ATP5PO: variants seen among roughly 807,000 people sequenced by gnomAD.
ATP5PO encodes the protein ATP synthase peripheral stalk subunit OSCP, mitochondrial.
ATP5PO carries 14 observed loss-of-function variants against 26.2 expected under a neutral mutation model. The ratio of observed to expected loss-of-function variants is 0.53; its 90% CI spans 0.35 to 0.83. The LOEUF (loss-of-function observed/expected upper bound fraction) is 0.83, where lower values mean the gene tolerates loss of function less well. Among genes scored for constraint, ATP5PO ranks in the 40% least tolerant of loss-of-function variants. The probability of loss-of-function intolerance (pLI) is 0.01; values close to 1 mark genes in which losing one functional copy is unlikely to be tolerated. For missense variants in ATP5PO, 241 were observed against 258.5 expected (o/e 0.93, Z 0.46); for synonymous variants, 106 against 95.1 (o/e 1.12, Z -0.67).
intron 2 of ATP5PO, among the ~76,000 whole-genome samples, chr21:33,914,120 T>G (rs1252875008): frequency 6.6e-6 from 1 of 151,796 alleles, no homozygotes; most frequent in Non-Finnish European, 1.5e-5. Flanking sequence ...TAACTTCCTG[T>G]GATAACTTGG....
chr21:33,912,695 A>C (rs1444170164), intron 2 of ATP5PO, among the ~76,000 whole-genome samples: 1 of 152,190 alleles, frequency 6.6e-6, no homozygotes, highest in African/African-American at 2.4e-5. Context: ...AATTACTTGT[A>C]CTTTAATTTT....
chr21:33,905,150 T>A (rs1352593108), intron 5 of ATP5PO, among the ~76,000 whole-genome samples: 3 of 152,090 alleles, frequency 2.0e-5, no homozygotes, highest in Non-Finnish European at 2.9e-5. Flanking sequence ...TATAACAATA[T>A]CCTTTTTTTG....
rs1354936331 is a variant in ATP5PO, at chr21:33,907,344, T to G, written c.438A>C (p.Ala146=). ...RGEVPCTVTS[A]SPLEEATLSE... ...GCAGCAACAACCCGTTACTTACAGA[T>G]GCAGAGGTCACTGTGCAAGGTACCT... The change falls in exon 5 of 7, where the codon GCA becomes GCC. Residue 146 remains alanine, a synonymous_variant. Transcript: ENST00000290299. 1.2e-6 allele frequency: 2 copies of G among 1,611,266 alleles called. No individual in the cohort carries two copies. The highest frequency in any genetic ancestry group is 1.1e-5 in the South Asian group (1 of 91,026).
Position 33,903,517 on chromosome 21 carries a change from C to A in ATP5PO, c.*9G>T. On this transcript the variant is annotated 3_prime_UTR_variant, in exon 7 of 7. Coordinates refer to ENST00000290299, the MANE Select transcript of ATP5PO (RefSeq NM_001697.3). The stretch of plus-strand genomic sequence containing the variant: ...AAGAATTTTCACTGATGGCAGAAAA[C>A]CAACACTTTTAGACAATCTCCCGCA... 6.2e-7 allele frequency: 1 copy of A among 1,605,894 alleles called. No homozygotes were observed. Among genetic ancestry groups the A allele is most frequent in the African/African-American group, 1.3e-5 (1 of 74,738 alleles).
At chr21:33,913,474 C>G (rs910165171) in intron 2 of ATP5PO, among the ~76,000 whole-genome samples, 6 of 152,170 alleles carry the variant, frequency 3.9e-5, no homozygotes, top group Non-Finnish European at 8.8e-5. Flanking sequence ...TTTCTTTAAT[C>G]AAATAAAGAA....
At chr21:33,911,092 C>T (rs575091859) in intron 3 of ATP5PO, among the ~76,000 whole-genome samples, 4 of 152,180 alleles carry the variant, frequency 2.6e-5, no homozygotes, top group African/African-American at 7.2e-5. Flanking sequence ...TACCAGACTG[C>T]GTCTCCCTCA....
At chr21:33,907,507 A>G in intron 4 of ATP5PO, 54 bp from the exon 5 acceptor site, 2 of 1,472,550 alleles carry the variant, frequency 1.4e-6, no homozygotes, top group East Asian at 2.3e-5. Context: ...CAAGTTATTC[A>G]TGAAGTTGTA....
At chr21:33,908,579 T>C (rs1987205872) in intron 4 of ATP5PO, among the ~76,000 whole-genome samples, 1 of 152,054 alleles carries the variant, frequency 6.6e-6, no homozygotes, top group African/African-American at 2.4e-5. Flanking sequence ...TGTGGTGGCA[T>C]GCACCTGTAT....
In ATP5PO at chr21:33,909,866, T is replaced by C. The variant is rs531734443; in HGVS notation, c.199-655A>G. ...GAGTCGTCTGGTTTTCTAGCAGTGC[T>C]ATTTCTAGAGTGCAGACCTCACAAC... On this transcript the variant is annotated intron_variant, in intron 3 of 6. Transcript: ENST00000290299. 2.6e-5 allele frequency among the ~76,000 whole-genome samples: 4 copies of C among 152,348 alleles called. No homozygotes were observed. The East Asian group carries it at 7.7e-4, about 29-fold the overall frequency.
intron 5 of ATP5PO, among the ~76,000 whole-genome samples, chr21:33,905,918 G>GAAAAAAAAAAAAAAAAAAAAAAA (rs59334506): frequency 5.1e-5 from 5 of 98,456 alleles, no homozygotes; most frequent in Non-Finnish European, 7.7e-5. Flanking sequence ...TCTCAAAAAA[G>GAAAAAAAAAAAAAAAAAAAAAAA]AAAAAAAAAA....
chr21:33,913,173 A>T (rs989692696), intron 2 of ATP5PO, among the ~76,000 whole-genome samples: 2 of 152,150 alleles, frequency 1.3e-5, no homozygotes, highest in African/African-American at 4.8e-5. Context: ...ACTGTTATGA[A>T]GTTTTAAGGT....
chr21:33,906,138 A>C (rs963081573), intron 5 of ATP5PO, among the ~76,000 whole-genome samples: 2 of 152,096 alleles, frequency 1.3e-5, no homozygotes, highest in Non-Finnish European at 2.9e-5. Context: ...ACTGAACTAC[A>C]AACGTGCAAG....
At position 33,903,637 on chromosome 21, in the gene ATP5PO, A is replaced by C. The variant is rs1161965673; in HGVS notation, c.531T>G (p.Thr177=). Residue 177 remains threonine (T), a splice_region_variant and synonymous_variant, in exon 7 of 7, where the codon ACT becomes ACG. Coordinates refer to ENST00000290299, the MANE Select transcript of ATP5PO (RefSeq NM_001697.3). The part of the protein sequence containing the change: ...QGQVLKLEAK[T]DPSILGGMIV... ...TCATTCCACCCAAGATTGACGGATC[A>C]GTCTACAAAAGAAGTAAGACTGGAA... 1 of 1,613,968 alleles carries C rather than the reference A, an allele frequency of 6.2e-7. No homozygotes were observed. The highest frequency in any genetic ancestry group is 8.5e-7 in the Non-Finnish European group (1 of 1,179,856).
At chr21:33,911,310 C>A (rs1328418447) in intron 3 of ATP5PO, among the ~76,000 whole-genome samples, 1 of 152,200 alleles carries the variant, frequency 6.6e-6, no homozygotes, top group African/African-American at 2.4e-5. Flanking sequence ...CTTGCAGCAG[C>A]CTCACAGTCT....
chr21:33,903,807 TA>T (rs1987133581), intron 6 of ATP5PO, 127 bp downstream of exon 6: 1 of 1,118,564 alleles, frequency 8.9e-7, no homozygotes, highest in Non-Finnish European at 1.2e-6. Flanking sequence ...AAATTTAAAA[TA>T]AATACAAAAT....
Position 33,907,338 on chromosome 21 carries a change from T to C in ATP5PO, c.441+3A>G. On this transcript the variant is annotated splice_donor_region_variant and intron_variant, in intron 5 of 6. Transcript: ENST00000290299. ...AACACAGCAGCAACAACCCGTTACT[T>C]ACAGATGCAGAGGTCACTGTGCAAG... is the stretch of plus-strand genomic sequence containing the variant. The C allele has an allele frequency of 6.2e-7, 1 of 1,608,816 alleles. No individual in the cohort carries two copies. The highest frequency in any genetic ancestry group is 8.5e-7 in the Non-Finnish European group (1 of 1,175,620).
intron 2 of ATP5PO, among the ~76,000 whole-genome samples, chr21:33,913,466 T>A (rs867952219): frequency 3.9e-5 from 6 of 152,308 alleles, no homozygotes; most frequent in Middle Eastern, 3.4e-3. Context: ...ACAGGAACTT[T>A]CTTTAATCAA....
chr21:33,907,545 T>C (rs996651302), intron 4 of ATP5PO, 92 bp from the exon 5 acceptor site: 47 of 1,132,884 alleles, frequency 4.1e-5, no homozygotes, highest in Middle Eastern at 2.0e-4. Context: ...AAACTTAGAT[T>C]TGTGGCCTTA....
chr21:33,905,163 G>C (rs1033276042), intron 5 of ATP5PO, among the ~76,000 whole-genome samples: 8 of 151,778 alleles, frequency 5.3e-5, no homozygotes, highest in Admixed American at 5.2e-4. Flanking sequence ...TTTTTTTGGG[G>C]GTGGGGGGTG....
Sources: allele counts gnomAD v4.1 joint callset (sites outside exome capture counted in the v4.1 genomes callset), GRCh38; gene constraint gnomAD v4.1.1; transcripts MANE v1.5; gene names NCBI Gene and HGNC (gene_info 2026-07-23, HGNC 2026-07-21).